The following MAP3K1 variants were observed in gnomAD, a reference collection of about 807,000 sequenced individuals.
MAP3K1 encodes the protein MAP/ERK kinase kinase 1.
A neutral mutation model predicts 144.2 loss-of-function variants in MAP3K1; 36 were observed. The observed-to-expected ratio is 0.25, with a 90% CI of 0.19 to 0.33. MAP3K1 has a LOEUF of 0.33. Ranked by LOEUF, MAP3K1 falls within the 10% of genes least tolerant of loss-of-function variation. The pLI is 1.00. For missense variants in MAP3K1, 1,650 were observed against 1,881.9 expected (o/e 0.88, Z 2.28); for synonymous variants, 718 against 688.7 (o/e 1.04, Z -0.67).
At chr5:56,848,628 AT>A (rs1674143426) in intron 1 of MAP3K1, among the ~76,000 whole-genome samples, 2 of 152,136 alleles carry the variant, frequency 1.3e-5, no homozygotes. Context: ...ATTTTGGTTA[AT>A]TTTATATATA....
intron 1 of MAP3K1, among the ~76,000 whole-genome samples, chr5:56,844,188 T>TG (rs1253894636): frequency 1.0e-4 from 13 of 130,344 alleles, no homozygotes; most frequent in Middle Eastern, 3.7e-3. Context: ...TTTTGGTTTT[T>TG]TTTTTTTTTT....
At chr5:56,829,134 C>T (rs571890435) in intron 1 of MAP3K1, among the ~76,000 whole-genome samples, 3 of 151,388 alleles carry the variant, frequency 2.0e-5, no homozygotes, top group East Asian at 3.9e-4. Context: ...CAACTTGAAT[C>T]GTATTCACAG....
At chr5:56,832,693 G>C (rs1746531995) in intron 1 of MAP3K1, among the ~76,000 whole-genome samples, 1 of 152,090 alleles carries the variant, frequency 6.6e-6, no homozygotes, top group South Asian at 2.1e-4. Context: ...TGTTTAATCA[G>C]AGCACAAATT....
chr5:56,815,813 T>A lies in MAP3K1; in HGVS notation c.240T>A (p.Leu80=), dbSNP rs1320065205. Reference sequence around the variant, plus strand: ...AGCTGCCTGAGCAGCCGCTCTTCCTTGCCGCCTCACCGCCGGCCTCCTCGA... The same window carrying A: ...AGCTGCCTGAGCAGCCGCTCTTCCTAGCCGCCTCACCGCCGGCCTCCTCGA... ...LDQLPEQPLF[L]AASPPASSTS... Residue 80 remains leucine (L), a synonymous_variant, in exon 1 of 20, where the codon CTT becomes CTA. Transcript: ENST00000399503. 1 of 1,422,346 alleles carries A rather than the reference T, an allele frequency of 7.0e-7. No homozygotes were observed. The highest frequency in any genetic ancestry group is 9.2e-7 in the Non-Finnish European group (1 of 1,084,992). 88.1% of individuals were successfully genotyped at this position (1,422,346 alleles called of 1,614,324 possible).
At chr5:56,874,098 A>G (rs1458346539) in intron 9 of MAP3K1, among the ~76,000 whole-genome samples, 8 of 152,226 alleles carry the variant, frequency 5.3e-5, no homozygotes, top group African/African-American at 1.9e-4. Flanking sequence ...GTTAAAACAT[A>G]GGTAGTGGTA....
chr5:56,825,657 G>A (rs530077223), intron 1 of MAP3K1, among the ~76,000 whole-genome samples: 1 of 152,142 alleles, frequency 6.6e-6, no homozygotes, highest in Non-Finnish European at 1.5e-5. Context: ...TTTAATTGCT[G>A]TGCTCTTACT....
At chr5:56,830,085 A>C (rs1357757979) in intron 1 of MAP3K1, among the ~76,000 whole-genome samples, 1 of 152,202 alleles carries the variant, frequency 6.6e-6, no homozygotes, top group Non-Finnish European at 1.5e-5. Flanking sequence ...GTTGGTGATA[A>C]GATACAAAAC....
chr5:56,815,645 AGGC>A lies in MAP3K1; in HGVS notation c.81_83del (p.Gly29del). ...GCGCCAGGGCTACGAGCCCTGAGGC[AGGC>A]GGCGGCGGAGGAGCCCTCAAGGCGA... On this transcript the variant is annotated inframe_deletion, in exon 1 of 20. Coordinates refer to ENST00000399503, the MANE Select transcript of MAP3K1 (RefSeq NM_005921.2). The A allele has an allele frequency of 7.5e-7, 1 of 1,333,160 alleles. No individual in the cohort carries two copies. Among genetic ancestry groups the A allele is most frequent in the Non-Finnish European group, 9.6e-7 (1 of 1,042,234 alleles). 82.6% of individuals were successfully genotyped at this position (1,333,160 alleles called of 1,614,324 possible). A position where few individuals can be genotyped will look rare whatever the true frequency, so the allele number is the denominator to read the frequency against.
At chr5:56,888,161 A>T in intron 18 of MAP3K1, 65 bp from the exon 19 acceptor site, 2 of 1,458,052 alleles carry the variant, frequency 1.4e-6, no homozygotes, top group Non-Finnish European at 1.9e-6. Flanking sequence ...AGAATCTATA[A>T]CTACAAAATG....
At chr5:56,869,373 C>T (rs537560864) in intron 6 of MAP3K1, among the ~76,000 whole-genome samples, 12 of 152,176 alleles carry the variant, frequency 7.9e-5, no homozygotes, top group Non-Finnish European at 1.2e-4. Flanking sequence ...GAAAAGGATA[C>T]TGGAGACACA....
intron 19 of MAP3K1, among the ~76,000 whole-genome samples, chr5:56,891,566 G>T (rs1291058529): frequency 6.6e-6 from 1 of 152,104 alleles, no homozygotes; most frequent in Non-Finnish European, 1.5e-5. Context: ...GTCAATTTTG[G>T]CTTTTGTTGC....
At position 56,894,404 on chromosome 5, in the gene MAP3K1, C is replaced by T. The variant is rs1748643700; in HGVS notation, c.*724C>T. The T allele has an allele frequency of 4.3e-6, 1 of 231,424 alleles. No homozygotes were observed. The highest frequency in any genetic ancestry group is 1.8e-4 in the South Asian group (1 of 5,504). 14.3% of individuals were successfully genotyped at this position (231,424 alleles called of 1,614,324 possible). On this transcript the variant is annotated 3_prime_UTR_variant, in exon 20 of 20. Transcript: ENST00000399503. Reference sequence around the variant, plus strand: ...AATGAACTAGATATGAAGTAGAGTTCATTAAATATCTTGCTATTGTCAGAG... The same window carrying T: ...AATGAACTAGATATGAAGTAGAGTTTATTAAATATCTTGCTATTGTCAGAG...
chr5:56,879,393 T>G (rs995206879), intron 11 of MAP3K1, among the ~76,000 whole-genome samples: 3 of 152,200 alleles, frequency 2.0e-5, no homozygotes, highest in Admixed American at 1.3e-4. Context: ...ATAAGAACAG[T>G]AGTTGACATT....
intron 19 of MAP3K1, among the ~76,000 whole-genome samples, chr5:56,892,967 CTTTT>C (rs61590040): frequency 0.74 from 111,030 of 150,158 alleles, 41,564 homozygotes; most frequent in Non-Finnish European, 0.81. Context: ...AATAAAATTT[CTTTT>C]TTTTTAAAAA....
Position 56,836,658 on chromosome 5 carries a change from G to A in MAP3K1, c.483-19942G>A, listed in dbSNP as rs576090008. On this transcript the variant is annotated intron_variant, in intron 1 of 19. Transcript: ENST00000399503. ...GGCACTCCCTAAACAGTTTATTGAA[G>A]TTTTGTCTTGTGTATGTGACTGTCA... 3.6e-4 allele frequency among the ~76,000 whole-genome samples: 55 copies of A among 152,160 alleles called. No individual in the cohort carries two copies. The Middle Eastern group carries it at 0.02, about 56-fold the overall frequency.
chr5:56,867,040 C>A (rs138801689), intron 6 of MAP3K1, among the ~76,000 whole-genome samples: 1 of 152,270 alleles, frequency 6.6e-6, no homozygotes, highest in African/African-American at 2.4e-5. Flanking sequence ...AGCTTTATTT[C>A]TCCAGCCTCC....
rs555957417 is a variant in MAP3K1, at chr5:56,815,609, G to C, written c.36G>C (p.Ser12=). 1.9e-5 allele frequency: 25 copies of C among 1,310,514 alleles called. No homozygotes were observed. Among genetic ancestry groups the C allele is most frequent in the Middle Eastern group, 2.9e-4 (1 of 3,496 alleles). 81.2% of individuals were successfully genotyped at this position (1,310,514 alleles called of 1,614,324 possible). A position where few individuals can be genotyped will look rare whatever the true frequency, so the allele number is the denominator to read the frequency against. ...AAAAGNRASS[S]GFPGARATSP... ...CGGCGGGGAATCGCGCCTCGTCGTC[G>C]GGATTCCCGGGCGCCAGGGCTACGA... Residue 12 remains serine, a synonymous_variant, in exon 1 of 20, where the codon TCG becomes TCC. Transcript: ENST00000399503.
intron 1 of MAP3K1, among the ~76,000 whole-genome samples, chr5:56,833,523 T>C (rs1462181962): frequency 6.6e-6 from 1 of 152,186 alleles, no homozygotes; most frequent in Non-Finnish European, 1.5e-5. Context: ...TCCCCCACAG[T>C]GCCTCAGCTC....
At chr5:56,848,927 C>T (rs553438184) in intron 1 of MAP3K1, among the ~76,000 whole-genome samples, 15 of 152,318 alleles carry the variant, frequency 9.8e-5, no homozygotes, top group African/African-American at 3.6e-4. Flanking sequence ...TTAATCAGAA[C>T]ATGAGCTTTT....
Sources: allele counts gnomAD v4.1 joint callset (sites outside exome capture counted in the v4.1 genomes callset), GRCh38; gene constraint gnomAD v4.1.1; transcripts MANE v1.5; gene names NCBI Gene and HGNC (gene_info 2026-07-23, HGNC 2026-07-21).